Variants in RPRD2 observed in about 807,000 individuals in gnomAD.
RPRD2 encodes the protein regulation of nuclear pre-mRNA domain containing 2.
In RPRD2, 12 loss-of-function variants were observed where a neutral mutation model predicts 104.4. That is an observed-to-expected ratio of 0.11 (90% CI 0.07 to 0.19). The LOEUF (loss-of-function observed/expected upper bound fraction) is 0.19, where lower values mean the gene tolerates loss of function less well. Among genes scored for constraint, RPRD2 ranks in the 10% least tolerant of loss-of-function variants. The pLI, the probability that RPRD2 is intolerant of heterozygous loss-of-function variation, is 1.00. For missense variants in RPRD2, 1,543 were observed against 1,790.1 expected (o/e 0.86, Z 2.49); for synonymous variants, 714 against 684.9 (o/e 1.04, Z -0.66).
chr1:150,383,375 C>T (rs111446381), intron 1 of RPRD2, among the ~76,000 whole-genome samples: 3 of 139,540 alleles, frequency 2.1e-5, no homozygotes, highest in Admixed American at 7.8e-5. Flanking sequence ...AGTGCAGTGG[C>T]GCAATCTTGG....
At chr1:150,389,552 A>G (rs1220343165) in intron 1 of RPRD2, among the ~76,000 whole-genome samples, 5 of 152,210 alleles carry the variant, frequency 3.3e-5, no homozygotes, top group Non-Finnish European at 7.3e-5. Flanking sequence ...TTTACCGCTA[A>G]TGATACTAAC....
chr1:150,432,629 A>T (rs190718243), intron 2 of RPRD2, among the ~76,000 whole-genome samples: 147 of 50,470 alleles, frequency 2.9e-3, no homozygotes, highest in African/African-American at 7.1e-3. Context: ...AGAAAATGAT[A>T]AAAAAAAAAA....
In RPRD2 at chr1:150,471,108, T is replaced by C. The variant is rs1011016673; in HGVS notation, c.2160T>C (p.Ile720=). 7 of 1,613,686 alleles carry C rather than the reference T, an allele frequency of 4.3e-6. No individual in the cohort carries two copies. Among genetic ancestry groups the C allele is most frequent in the Admixed American group, 1.7e-5 (1 of 59,994 alleles). Reference sequence around the variant, plus strand: ...CTACTAGCACCTCAATCGACAACATTGATGGAACCCCTGTACGGGATGAAC... The same window carrying C: ...CTACTAGCACCTCAATCGACAACATCGATGGAACCCCTGTACGGGATGAAC... The part of the protein sequence containing the change: ...RGPTSTSIDN[I]DGTPVRDERS... Residue 720 remains isoleucine (I), a synonymous_variant, in exon 11 of 11, where the codon ATT becomes ATC. Coordinates refer to ENST00000369068, the MANE Select transcript of RPRD2 (RefSeq NM_015203.5). This position sits in a 1 kb window ranked among gnomAD's most constrained non-coding sequence, Gnocchi z 5.3.
Position 150,471,698 on chromosome 1 carries a change from G to T in RPRD2, c.2750G>T (p.Ser917Ile). Residue 917 changes from serine to isoleucine, a missense_variant, in exon 11 of 11, where the codon AGC becomes ATC. Physicochemically the swap from Ser to Ile is moderately radical, Grantham distance 142 (BLOSUM62 -2). Around this residue, in one of 4 missense-constraint regions of RPRD2, gnomAD observed 880 missense variants for 885.6 expected, o/e 0.99. Transcript: ENST00000369068. This position sits in a 1 kb window ranked among gnomAD's most constrained non-coding sequence, Gnocchi z 5.3. Reference sequence around the variant, plus strand: ...TCCCCTGGGCTATTTGGTGCCTTCAGCGTAAGAGGGAATGAACCTGGGTCT... The same window carrying T: ...TCCCCTGGGCTATTTGGTGCCTTCATCGTAAGAGGGAATGAACCTGGGTCT... The part of the protein sequence containing the change: ...SSSPGLFGAF[S>I]VRGNEPGSDR... 6.2e-7 allele frequency: 1 copy of T among 1,613,882 alleles called. No individual in the cohort carries two copies. The highest frequency in any genetic ancestry group is 8.5e-7 in the Non-Finnish European group (1 of 1,179,862).
chr1:150,371,003 C>T (rs1475245995), intron 1 of RPRD2, among the ~76,000 whole-genome samples: 2 of 152,082 alleles, frequency 1.3e-5, no homozygotes, highest in African/African-American at 2.4e-5. Flanking sequence ...TTCACTTTAC[C>T]TCCTCTCCCT....
intron 1 of RPRD2, among the ~76,000 whole-genome samples, chr1:150,415,236 G>A (rs1043663646): frequency 6.6e-6 from 1 of 152,076 alleles, no homozygotes; most frequent in South Asian, 2.1e-4. Context: ...GGAGGCTAAG[G>A]CAGGAGAATA....
Position 150,464,741 on chromosome 1 carries a change from G to A in RPRD2, c.1612+14G>A. ...CTGCACTGCAAGGTAACTGACATAT[G>A]CCAGAGGGACTCGAATTGTGAATGT... On this transcript the variant is annotated intron_variant, in intron 10 of 10. Coordinates refer to ENST00000369068, the MANE Select transcript of RPRD2 (RefSeq NM_015203.5). 6.3e-7 allele frequency: 1 copy of A among 1,595,910 alleles called. No individual in the cohort carries two copies. Among genetic ancestry groups the A allele is most frequent in the Non-Finnish European group, 8.6e-7 (1 of 1,167,124 alleles).
chr1:150,460,382 T>A, intron 9 of RPRD2, 65 bp downstream of exon 9: 1 of 1,444,670 alleles, frequency 6.9e-7, no homozygotes, highest in Non-Finnish European at 9.4e-7. Flanking sequence ...ATCATTAATC[T>A]GTTTTTGGGG....
chr1:150,470,599 G>C lies in RPRD2; in HGVS notation c.1651G>C (p.Val551Leu), dbSNP rs587685782. ...SLLQSVTGNP[V>L]PASEAASQST... ...ACTTCAGAGTGTTACTGGGAACCCA[G>C]TTCCAGCCAGTGAAGCTGCCTCACA... is the stretch of plus-strand genomic sequence containing the variant. The change falls in exon 11 of 11, where the codon GTT (valine) becomes CTT (leucine). Residue 551 changes from valine (V) to leucine (L), a missense_variant. Physicochemically the swap from Val to Leu is conservative, Grantham distance 32 (BLOSUM62 1). Coordinates refer to ENST00000369068, the MANE Select transcript of RPRD2 (RefSeq NM_015203.5). The C allele has an allele frequency of 3.2e-5, 51 of 1,613,902 alleles. No homozygotes were observed. In the Admixed American group the frequency reaches 3.8e-4, roughly 12 times the overall value.
intron 1 of RPRD2, among the ~76,000 whole-genome samples, chr1:150,369,623 A>ATTTTTTTTTTTTTTTTTT (rs61016870): frequency 2.3e-4 from 16 of 68,896 alleles, no homozygotes; most frequent in African/African-American, 8.4e-4. Context: ...CGCCCAGCTA[A>ATTTTTTTTTTTTTTTTTT]TTTTTTTTTT....
intron 1 of RPRD2, among the ~76,000 whole-genome samples, chr1:150,400,490 G>A (rs1553885108): frequency 6.6e-6 from 1 of 152,124 alleles, no homozygotes; most frequent in Non-Finnish European, 1.5e-5. Context: ...GTTCTTATAG[G>A]GAGTGCACAG....
rs951524978 is a variant in RPRD2 at position 150,471,801 on chromosome 1, C to T, written c.2853C>T (p.Thr951=). The change falls in exon 11 of 11, where the codon ACC becomes ACT. Residue 951 remains threonine (T), a synonymous_variant. Coordinates refer to ENST00000369068, the MANE Select transcript of RPRD2 (RefSeq NM_015203.5). This position sits in a 1 kb window ranked among gnomAD's most constrained non-coding sequence, Gnocchi z 5.3. The part of the protein sequence containing the change: ...DSNHNSLSQS[T]TGHLSLPQKQ... ...ACCACAATAGCTTGTCTCAATCTAC[C>T]ACTGGGCATCTCAGTTTGCCACAGA... The T allele has an allele frequency of 6.2e-7, 1 of 1,613,868 alleles. No homozygotes were observed. The highest frequency in any genetic ancestry group is 8.5e-7 in the Non-Finnish European group (1 of 1,179,852).
chr1:150,371,075 A>G (rs1327146565), intron 1 of RPRD2, among the ~76,000 whole-genome samples: 2 of 152,184 alleles, frequency 1.3e-5, no homozygotes, highest in Admixed American at 6.6e-5. Context: ...ACATATAAAC[A>G]TGGACTAGAA....
chr1:150,428,863 C>CTAG (rs782312800), intron 2 of RPRD2, among the ~76,000 whole-genome samples: 12 of 152,044 alleles, frequency 7.9e-5, no homozygotes, highest in Non-Finnish European at 1.5e-4. Context: ...AAATAATTTG[C>CTAG]TAGTACCTTC....
In RPRD2 at chr1:150,473,498, T is replaced by C; in HGVS notation, c.*164T>C. The C allele has an allele frequency of 2.3e-6, 1 of 437,202 alleles. No homozygotes were observed. Among genetic ancestry groups the C allele is most frequent in the Non-Finnish European group, 3.8e-6 (1 of 260,922 alleles). The allele number at this position is 437,202 out of a possible 1,614,324, so 27.1% of individuals were successfully genotyped here. A position where few individuals can be genotyped will look rare whatever the true frequency, so the allele number is the denominator to read the frequency against. On this transcript the variant is annotated 3_prime_UTR_variant, in exon 11 of 11. Transcript: ENST00000369068. ...GAAATCACATACGCTTACGTTTTAC[T>C]ATTCAATTCAATCCTCCCTCCCATT...
At chr1:150,410,843 T>C (rs1198358441) in intron 1 of RPRD2, among the ~76,000 whole-genome samples, 6 of 152,180 alleles carry the variant, frequency 3.9e-5, no homozygotes, top group African/African-American at 1.4e-4. Context: ...GAGTTCAAGA[T>C]CAAGGTCCAG....
chr1:150,377,347 TC>T (rs1488273564), intron 1 of RPRD2, among the ~76,000 whole-genome samples: 1 of 152,112 alleles, frequency 6.6e-6, no homozygotes, highest in Non-Finnish European at 1.5e-5. Flanking sequence ...ACGCCTGTAA[TC>T]CCAGTACTTT....
At chr1:150,398,672 T>G (rs1553884736) in intron 1 of RPRD2, among the ~76,000 whole-genome samples, 1 of 151,460 alleles carries the variant, frequency 6.6e-6, no homozygotes, top group African/African-American at 2.4e-5. Flanking sequence ...GCCTCCGGAG[T>G]AGCTGGGATT....
chr1:150,471,134 G>A lies in RPRD2; in HGVS notation c.2186G>A (p.Arg729Gln), dbSNP rs776288719. The A allele has an allele frequency of 1.6e-5, 26 of 1,613,834 alleles. No homozygotes were observed. The highest frequency in any genetic ancestry group is 6.7e-5 in the Admixed American group (4 of 59,998). ...NIDGTPVRDE[R>Q]SGTPTQDEMM... ...GATGGAACCCCTGTACGGGATGAAC[G>A]GAGTGGGACACCCACCCAGGATGAG... The change falls in exon 11 of 11, where the codon CGG (arginine) becomes CAG (glutamine). Residue 729 changes from arginine (R) to glutamine (Q), a missense_variant. Coordinates refer to ENST00000369068, the MANE Select transcript of RPRD2 (RefSeq NM_015203.5). This position sits in a 1 kb window ranked among gnomAD's most constrained non-coding sequence, Gnocchi z 5.3.
Sources: gnomAD v4.1 joint callset for allele counts (sites outside exome capture counted in the v4.1 genomes callset) on GRCh38, gnomAD v4.1.1 for gene constraint, gnomAD v4.1.1 regional missense constraint, Gnocchi (gnomAD v3.1) non-coding constraint, MANE v1.5 for transcripts, NCBI Gene and HGNC (gene_info 2026-07-23, HGNC 2026-07-21) for gene names.